The following GRIP1 variants were observed in gnomAD, a reference collection of about 807,000 sequenced individuals.
GRIP1 encodes the protein glutamate receptor interacting protein 1, also known as glutamate receptor-interacting protein 1.
A neutral mutation model predicts 129.9 loss-of-function variants in GRIP1; 45 were observed. The ratio of observed to expected loss-of-function variants is 0.35; its 90% CI spans 0.27 to 0.44. The LOEUF (loss-of-function observed/expected upper bound fraction) is 0.44. Among genes scored for constraint, GRIP1 ranks in the 20% least tolerant of loss-of-function variants. The pLI is 1.00. For synonymous variants in GRIP1, 530 were observed against 520.8 expected (o/e 1.02, Z -0.24); for missense variants, 1,196 against 1,396.8 (o/e 0.86, Z 2.29).
chr12:66,759,910 A>T (rs1200271812), intron 1 of GRIP1, among the ~76,000 whole-genome samples: 1 of 151,202 alleles, frequency 6.6e-6, no homozygotes, highest in Non-Finnish European at 1.5e-5. Context: ...GCTGCAGTGC[A>T]ATGGTGCAAT....
intron 13 of GRIP1, among the ~76,000 whole-genome samples, chr12:66,433,550 G>C (rs143946256): frequency 1.3e-5 from 2 of 152,290 alleles, no homozygotes; most frequent in African/African-American, 4.8e-5. Flanking sequence ...ACGCAGGACA[G>C]AGCTAAGCTG....
chr12:66,402,585 T>C (rs2057041543), intron 16 of GRIP1, among the ~76,000 whole-genome samples: 1 of 152,198 alleles, frequency 6.6e-6, no homozygotes, highest in Non-Finnish European at 1.5e-5. Flanking sequence ...AGTATAGTTA[T>C]AAACTTCCTG....
At chr12:66,700,634 GA>G (rs2035320173) in intron 1 of GRIP1, among the ~76,000 whole-genome samples, 1 of 152,032 alleles carries the variant, frequency 6.6e-6, no homozygotes, top group Non-Finnish European at 1.5e-5. Context: ...TTTACCCAGA[GA>G]CTGTGTTTTA....
chr12:66,682,159 G>T (rs1299915794), upstream of GRIP1, among the ~76,000 whole-genome samples: 2 of 152,026 alleles, frequency 1.3e-5, no homozygotes, highest in Non-Finnish European at 2.9e-5. Flanking sequence ...TTTACAGGGG[G>T]ACAAATTCAA....
chr12:66,909,474 C>G (rs1350806685), intron 1 of GRIP1, among the ~76,000 whole-genome samples: 1 of 152,192 alleles, frequency 6.6e-6, no homozygotes, highest in African/African-American at 2.4e-5. Context: ...AATGTAAATC[C>G]TGTATATAGA....
intron 1 of GRIP1, among the ~76,000 whole-genome samples, chr12:66,703,206 A>T (rs1447854533): frequency 1.3e-5 from 2 of 152,160 alleles, no homozygotes; most frequent in Admixed American, 1.3e-4. Context: ...CTAAGGCTTA[A>T]GTTTGCTTGC....
intron 2 of GRIP1, among the ~76,000 whole-genome samples, chr12:66,553,061 T>C (rs562430397): frequency 7.2e-5 from 11 of 152,300 alleles, no homozygotes; most frequent in African/African-American, 2.6e-4. Context: ...GAGGGTACCA[T>C]TCTCTCCTGG....
chr12:66,673,672 T>C (rs137905993), intron 1 of GRIP1, among the ~76,000 whole-genome samples: 1 of 152,190 alleles, frequency 6.6e-6, no homozygotes, highest in Non-Finnish European at 1.5e-5. Flanking sequence ...TCCAAGCCAC[T>C]GTTCAATGTA....
At chr12:66,470,600 T>C (rs750815288) in intron 7 of GRIP1, among the ~76,000 whole-genome samples, 5 of 152,168 alleles carry the variant, frequency 3.3e-5, no homozygotes, top group African/African-American at 4.8e-5. Flanking sequence ...TAGGAGAATC[T>C]ACCAGACCTG....
intron 1 of GRIP1, among the ~76,000 whole-genome samples, chr12:66,734,821 A>G (rs2036545539): frequency 6.6e-6 from 1 of 152,216 alleles, no homozygotes; most frequent in South Asian, 2.1e-4. Flanking sequence ...TTAAAAAGAA[A>G]CATCGCTAGA....
chr12:66,467,642 T>A (rs2059323933), intron 7 of GRIP1, among the ~76,000 whole-genome samples: 1 of 152,176 alleles, frequency 6.6e-6, no homozygotes, highest in Admixed American at 6.5e-5. Flanking sequence ...AACAAAGATC[T>A]GTGGCTGAGC....
chr12:66,351,467 A>G (rs2054215787), intron 24 of GRIP1, among the ~76,000 whole-genome samples: 2 of 152,164 alleles, frequency 1.3e-5, no homozygotes, highest in South Asian at 4.1e-4. Flanking sequence ...CAAATACCAC[A>G]TAATGGGAAA....
At chr12:66,888,614 C>T (rs759635132) in intron 1 of GRIP1, among the ~76,000 whole-genome samples, 47 of 152,270 alleles carry the variant, frequency 3.1e-4, no homozygotes, top group Non-Finnish European at 4.3e-4. Context: ...TTGCCTGCCT[C>T]GGCCTCCAAA....
At chr12:66,365,109 T>C (rs2055058448) in intron 23 of GRIP1, among the ~76,000 whole-genome samples, 1 of 152,208 alleles carries the variant, frequency 6.6e-6, no homozygotes, top group Admixed American at 6.5e-5. Context: ...ATAATTATTA[T>C]GTGACTATTT....
chr12:66,417,122 A>C (rs941979286), intron 15 of GRIP1, among the ~76,000 whole-genome samples: 4 of 152,180 alleles, frequency 2.6e-5, no homozygotes, highest in Non-Finnish European at 4.4e-5. Context: ...CCAGGGATTA[A>C]AAGATGGTGC....
At chr12:66,816,789 T>A (rs967854078) in intron 1 of GRIP1, among the ~76,000 whole-genome samples, 6 of 152,156 alleles carry the variant, frequency 3.9e-5, no homozygotes, top group African/African-American at 1.4e-4. Flanking sequence ...ACTTTGAACT[T>A]CTTACAGAAT....
At chr12:66,563,228 C>T (rs889365130) in intron 2 of GRIP1, among the ~76,000 whole-genome samples, 1 of 151,896 alleles carries the variant, frequency 6.6e-6, no homozygotes, top group African/African-American at 2.4e-5. Flanking sequence ...ACTGTATATA[C>T]ACAAACACAC....
intron 1 of GRIP1, among the ~76,000 whole-genome samples, chr12:67,052,096 C>T (rs181037446): frequency 8.5e-5 from 13 of 152,268 alleles, no homozygotes; most frequent in South Asian, 2.1e-4. Flanking sequence ...TTCTATGACA[C>T]GTTTGGAGGC....
intron 1 of GRIP1, among the ~76,000 whole-genome samples, chr12:66,899,334 T>C (rs2040805720): frequency 1.6e-5 from 2 of 128,018 alleles, no homozygotes; most frequent in African/African-American, 5.1e-5. Flanking sequence ...GTAGACATCA[T>C]TGGAAAGAAA....
Sources: allele counts gnomAD v4.1 joint callset (sites outside exome capture counted in the v4.1 genomes callset), GRCh38; gene constraint gnomAD v4.1.1; transcripts MANE v1.5; gene names NCBI Gene and HGNC (gene_info 2026-07-23, HGNC 2026-07-21).